GNAT1: variants seen among roughly 807,000 people sequenced by gnomAD.
The protein encoded by GNAT1 is G protein subunit alpha transducin 1.
A neutral mutation model predicts 40.0 loss-of-function variants in GNAT1; 36 were observed. The observed-to-expected ratio is 0.90, with a 90% CI of 0.69 to 1.19. The LOEUF (loss-of-function observed/expected upper bound fraction) is 1.19. Ranked by LOEUF, GNAT1 falls within the 50% of genes most tolerant of loss-of-function variation. The probability of loss-of-function intolerance (pLI) is 0.00; values close to 1 mark genes in which losing one functional copy is unlikely to be tolerated. For synonymous variants in GNAT1, 195 were observed against 192.9 expected (o/e 1.01, Z -0.09); for missense variants, 413 against 480.6 (o/e 0.86, Z 1.32).
In GNAT1 at chr3:50,194,388, G is replaced by A. The variant is rs903066143; in HGVS notation, c.709-113G>A. ...AGCAGGCCCATCTGGGGCAGTGCGG[G>A]GAGCCCTCTGAGAGCCAGCTGAGCG... is the stretch of plus-strand genomic sequence containing the variant. On this transcript the variant is annotated intron_variant, in intron 6 of 8. Coordinates refer to ENST00000232461, the MANE Select transcript of GNAT1 (RefSeq NM_144499.3). This position sits in a 1 kb window ranked among gnomAD's most constrained non-coding sequence, Gnocchi z 6.1. 1.4e-6 allele frequency: 2 copies of A among 1,414,836 alleles called. No homozygotes were observed. Among genetic ancestry groups the A allele is most frequent in the Non-Finnish European group, 1.9e-6 (2 of 1,026,106 alleles). 87.6% of individuals were successfully genotyped at this position (1,414,836 alleles called of 1,614,324 possible).
rs1699455439 is a variant in GNAT1, at chr3:50,193,714, C to T, written c.450-39C>T. On this transcript the variant is annotated intron_variant, in intron 4 of 8. Transcript: ENST00000232461. This position sits in a 1 kb window ranked among gnomAD's most constrained non-coding sequence, Gnocchi z 8.1. Reference sequence around the variant, plus strand: ...CGGGGCGCGGGGCGCAGGGGGCCCTCCACGCCTCCCCACCCACCTACGGCC... The same window carrying T: ...CGGGGCGCGGGGCGCAGGGGGCCCTTCACGCCTCCCCACCCACCTACGGCC... 1 of 1,598,450 alleles carries T rather than the reference C, an allele frequency of 6.3e-7. No individual in the cohort carries two copies. Among genetic ancestry groups the T allele is most frequent in the Non-Finnish European group, 8.5e-7 (1 of 1,173,094 alleles).
chr3:50,194,426 T>C lies in GNAT1; in HGVS notation c.709-75T>C. On this transcript the variant is annotated intron_variant, in intron 6 of 8. Coordinates refer to ENST00000232461, the MANE Select transcript of GNAT1 (RefSeq NM_144499.3). The surrounding 1 kb of genome is among the most constrained non-coding windows in gnomAD (Gnocchi z 6.1). ...AGCCAGCTGAGCGGGAAGCCCCGCG[T>C]GCCCGGGAGCCCAGAGAGCAGGTGC... 2 of 1,535,992 alleles carry C rather than the reference T, an allele frequency of 1.3e-6. No homozygotes were observed. Among genetic ancestry groups the C allele is most frequent in the Non-Finnish European group, 1.8e-6 (2 of 1,121,122 alleles).
rs372773628 is a variant in GNAT1 at position 50,193,894 on chromosome 3, C to T, written c.578+13C>T. 5.0e-6 allele frequency: 8 copies of T among 1,613,252 alleles called. No individual in the cohort carries two copies. In the African/African-American group the frequency reaches 5.3e-5, roughly 11 times the overall value. ...ATCTCAACTTCCGGTACGACCCATA[C>T]GCTAGCCCAGGAGGTCACTGCCCCA... is the stretch of plus-strand genomic sequence containing the variant. On this transcript the variant is annotated intron_variant, in intron 5 of 8. Coordinates refer to ENST00000232461, the MANE Select transcript of GNAT1 (RefSeq NM_144499.3). This position sits in a 1 kb window ranked among gnomAD's most constrained non-coding sequence, Gnocchi z 8.1.
rs145040990 is a variant in GNAT1, at chr3:50,191,813, G to T, written c.88G>T (p.Val30Leu). The T allele has an allele frequency of 6.2e-7, 1 of 1,612,314 alleles. No individual in the cohort carries two copies. The highest frequency in any genetic ancestry group is 8.5e-7 in the Non-Finnish European group (1 of 1,178,508). ...KEDAEKDART[V>L]KLLLLGAGES... is the part of the protein sequence containing the mutation. ...GGACGCTGAGAAGGATGCTCGAACC[G>T]TGAAGCTGCTGCTTCTGGGTAGGGG... Residue 30 changes from valine to leucine, a missense_variant, in exon 1 of 9, where the codon GTG (valine) becomes TTG (leucine). Physicochemically the swap from Val to Leu is conservative, Grantham distance 32. Coordinates refer to ENST00000232461, the MANE Select transcript of GNAT1 (RefSeq NM_144499.3).
chr3:50,194,756 C>G lies in GNAT1; in HGVS notation c.863-9C>G. 6.2e-7 allele frequency: 1 copy of G among 1,613,414 alleles called. No individual in the cohort carries two copies. The highest frequency in any genetic ancestry group is 8.5e-7 in the Non-Finnish European group (1 of 1,179,834). On this transcript the variant is annotated splice_polypyrimidine_tract_variant and intron_variant, in intron 7 of 8. Transcript: ENST00000232461. This position sits in a 1 kb window ranked among gnomAD's most constrained non-coding sequence, Gnocchi z 6.1. ...GGGCTGAGCAGAGTGAGAGCTCCCG[C>G]CCCCGCAGGACCCAACACCTACGAG...
Position 50,194,106 on chromosome 3 carries a change from G to A in GNAT1, c.593G>A (p.Gly198Asp). Residue 198 changes from glycine (G) to aspartate (D), a missense_variant, in exon 6 of 9, where the codon GGC becomes GAC. Transcript: ENST00000232461. This position sits in a 1 kb window ranked among gnomAD's most constrained non-coding sequence, Gnocchi z 6.1. The stretch of plus-strand genomic sequence containing the variant: ...CGGCCCCGCAGGATGTTCGATGTGG[G>A]CGGGCAGCGCTCGGAGCGCAAGAAG... ...KDLNFRMFDVGGQRSERKKWI... is the reference protein window; with the variant it reads ...KDLNFRMFDVDGQRSERKKWI... 6.2e-7 allele frequency: 1 copy of A among 1,613,818 alleles called. No individual in the cohort carries two copies. The highest frequency in any genetic ancestry group is 8.5e-7 in the Non-Finnish European group (1 of 1,179,846).
In GNAT1 at chr3:50,193,469, C is replaced by T. The variant is rs201305115; in HGVS notation, c.292-37C>T. ...TCGAGGCTCGCGGCTGGGCCCGAGT[C>T]CCTGGCCGCCACCAGCCACTCTCAC... On this transcript the variant is annotated intron_variant, in intron 3 of 8. Transcript: ENST00000232461. The surrounding 1 kb of genome is among the most constrained non-coding windows in gnomAD (Gnocchi z 8.1). 34,150 of 1,605,810 alleles carry T rather than the reference C, an allele frequency of 0.021. 437 individuals carry two copies. Among genetic ancestry groups the T allele is most frequent in the Non-Finnish European group, 0.026 (30,928 of 1,177,460 alleles).
At position 50,194,866 on chromosome 3, in the gene GNAT1, G is replaced by T; in HGVS notation, c.964G>T (p.Ala322Ser). The T allele has an allele frequency of 6.2e-7, 1 of 1,613,710 alleles. No individual in the cohort carries two copies. Among genetic ancestry groups the T allele is most frequent in the Non-Finnish European group, 8.5e-7 (1 of 1,179,810 alleles). The change falls in exon 8 of 9, where the codon GCC (alanine) becomes TCC (serine). Residue 322 changes from alanine (A) to serine (S), a missense_variant. By Grantham distance (99) the Ala-to-Ser change is moderately conservative (BLOSUM62 1). Coordinates refer to ENST00000232461, the MANE Select transcript of GNAT1 (RefSeq NM_144499.3). The surrounding 1 kb of genome is among the most constrained non-coding windows in gnomAD (Gnocchi z 6.1). Reference sequence around the variant, plus strand: ...GGAGATCTATTCCCACATGACGTGCGCCACCGACACGCAGAACGTCAAATT... The same window carrying T: ...GGAGATCTATTCCCACATGACGTGCTCCACCGACACGCAGAACGTCAAATT... ...VKEIYSHMTC[A>S]TDTQNVKFVF...
intron 1 of GNAT1, 68 bp downstream of exon 1, chr3:50,191,899 T>A (rs1699417242): frequency 9.9e-7 from 1 of 1,009,664 alleles, no homozygotes; most frequent in African/African-American, 1.6e-5. Flanking sequence ...CAGGCAGCCC[T>A]TCTGTGAAGC....
Position 50,193,576 on chromosome 3 carries a change from A to G in GNAT1, c.362A>G (p.Asp121Gly). 3 of 1,613,162 alleles carry G rather than the reference A, an allele frequency of 1.9e-6. No homozygotes were observed. The highest frequency in any genetic ancestry group is 2.5e-6 in the Non-Finnish European group (3 of 1,179,876). ...GGCACGATGCCCAAGGAGATGTCGG[A>G]CATCATCCAGCGGCTGTGGAAGGAC... ...EEGTMPKEMS[D>G]IIQRLWKDSG... Residue 121 changes from aspartate to glycine, a missense_variant, in exon 4 of 9, where the codon GAC becomes GGC. Coordinates refer to ENST00000232461, the MANE Select transcript of GNAT1 (RefSeq NM_144499.3). The surrounding 1 kb of genome is among the most constrained non-coding windows in gnomAD (Gnocchi z 8.1).
chr3:50,194,816 A>G lies in GNAT1; in HGVS notation c.914A>G (p.Glu305Gly), dbSNP rs753206978. Residue 305 changes from glutamate (E) to glycine (G), a missense_variant, in exon 8 of 9, where the codon GAG becomes GGG. Physicochemically the swap from Glu to Gly is moderately conservative, Grantham distance 98. Coordinates refer to ENST00000232461, the MANE Select transcript of GNAT1 (RefSeq NM_144499.3). This position sits in a 1 kb window ranked among gnomAD's most constrained non-coding sequence, Gnocchi z 6.1. ...AGNYIKVQFL[E>G]LNMRRDVKEI... Reference sequence around the variant, plus strand: ...AACTACATCAAGGTGCAGTTCCTCGAGCTCAACATGCGGCGCGACGTGAAG... The same window carrying G: ...AACTACATCAAGGTGCAGTTCCTCGGGCTCAACATGCGGCGCGACGTGAAG... 1 of 1,613,894 alleles carries G rather than the reference A, an allele frequency of 6.2e-7. No individual in the cohort carries two copies. Among genetic ancestry groups the G allele is most frequent in the Non-Finnish European group, 8.5e-7 (1 of 1,179,996 alleles).
rs2109138765 is a variant in GNAT1 at position 50,193,575 on chromosome 3, G to C, written c.361G>C (p.Asp121His). ...GGGCACGATGCCCAAGGAGATGTCGGACATCATCCAGCGGCTGTGGAAGGA... is the reference window on the plus strand; with the variant it reads ...GGGCACGATGCCCAAGGAGATGTCGCACATCATCCAGCGGCTGTGGAAGGA... ...EEGTMPKEMSDIIQRLWKDSG... is the reference protein window; with the variant it reads ...EEGTMPKEMSHIIQRLWKDSG... Residue 121 changes from aspartate (D) to histidine (H), a missense_variant, in exon 4 of 9, where the codon GAC (aspartate) becomes CAC (histidine). Coordinates refer to ENST00000232461, the MANE Select transcript of GNAT1 (RefSeq NM_144499.3). The surrounding 1 kb of genome is among the most constrained non-coding windows in gnomAD (Gnocchi z 8.1). 1 of 1,613,200 alleles carries C rather than the reference G, an allele frequency of 6.2e-7. No homozygotes were observed. The highest frequency in any genetic ancestry group is 1.1e-5 in the South Asian group (1 of 91,086).
chr3:50,193,091 C>A lies in GNAT1; in HGVS notation c.107-42C>A, dbSNP rs1347668999. On this transcript the variant is annotated intron_variant, in intron 1 of 8. Coordinates refer to ENST00000232461, the MANE Select transcript of GNAT1 (RefSeq NM_144499.3). The surrounding 1 kb of genome is among the most constrained non-coding windows in gnomAD (Gnocchi z 8.1). Reference sequence around the variant, plus strand: ...CTCCTGGCCTCCTTGCTGGAGGGGGCAGGCTGGTCAGCGCAGCTCTGAGGC... The same window carrying A: ...CTCCTGGCCTCCTTGCTGGAGGGGGAAGGCTGGTCAGCGCAGCTCTGAGGC... 1.9e-6 allele frequency: 3 copies of A among 1,609,444 alleles called. No individual in the cohort carries two copies. Among genetic ancestry groups the A allele is most frequent in the Non-Finnish European group, 2.5e-6 (3 of 1,177,306 alleles).
At position 50,193,449 on chromosome 3, in the gene GNAT1, G is replaced by A. The variant is rs1699446007; in HGVS notation, c.291+43G>A. ...CTGAGCGGGCCTCTGGGGACTCGAG[G>A]CTCGCGGCTGGGCCCGAGTCCCTGG... On this transcript the variant is annotated intron_variant, in intron 3 of 8. Transcript: ENST00000232461. The surrounding 1 kb of genome is among the most constrained non-coding windows in gnomAD (Gnocchi z 8.1). 6.2e-7 allele frequency: 1 copy of A among 1,611,012 alleles called. No homozygotes were observed. Among genetic ancestry groups the A allele is most frequent in the Non-Finnish European group, 8.5e-7 (1 of 1,179,272 alleles).
rs369937442 is a variant in GNAT1, at chr3:50,194,082, G to C, written c.579-10G>C. On this transcript the variant is annotated splice_polypyrimidine_tract_variant and intron_variant, in intron 5 of 8. Transcript: ENST00000232461. The surrounding 1 kb of genome is among the most constrained non-coding windows in gnomAD (Gnocchi z 6.1). ...CCGGGGCGCAGGTTCAGGCCCCCGC[G>C]GCCCCGCAGGATGTTCGATGTGGGC... 4.6e-5 allele frequency: 74 copies of C among 1,612,880 alleles called. No individual in the cohort carries two copies. In the African/African-American group the frequency reaches 8.7e-4, roughly 19 times the overall value.
Position 50,196,343 on chromosome 3 carries a change from C to G in GNAT1, c.*1077C>G, listed in dbSNP as rs538946106. 1.3e-5 allele frequency: 2 copies of G among 152,662 alleles called. No individual in the cohort carries two copies. The highest frequency in any genetic ancestry group is 2.9e-5 in the Non-Finnish European group (2 of 68,096). 9.5% of individuals were successfully genotyped at this position (152,662 alleles called of 1,614,324 possible). The stretch of plus-strand genomic sequence containing the variant: ...AACTATCAGGGACAAAGGCCCATGT[C>G]CCCACATCCCTGCTCCCTCCTTCCT... On this transcript the variant is annotated 3_prime_UTR_variant, in exon 9 of 9. Coordinates refer to ENST00000232461, the MANE Select transcript of GNAT1 (RefSeq NM_144499.3).
Position 50,193,014 on chromosome 3 carries a change from G to A in GNAT1, c.107-119G>A. ...GTGTGGCTACGGGGTCGGGGCTGGC[G>A]CTCAGGCCTCTTCGCTGCGGGTCCA... On this transcript the variant is annotated intron_variant, in intron 1 of 8. Transcript: ENST00000232461. The surrounding 1 kb of genome is among the most constrained non-coding windows in gnomAD (Gnocchi z 8.1). 2.0e-6 allele frequency: 2 copies of A among 990,034 alleles called. No homozygotes were observed. The allele number at this position is 990,034 out of a possible 1,614,324, so 61.3% of individuals were successfully genotyped here. A position where few individuals can be genotyped will look rare whatever the true frequency, so the allele number is the denominator to read the frequency against.
At chr3:50,192,180 G>A (rs529419422) in intron 1 of GNAT1, among the ~76,000 whole-genome samples, 2 of 152,350 alleles carry the variant, frequency 1.3e-5, no homozygotes, top group African/African-American at 4.8e-5. Flanking sequence ...ACGCCTGCTA[G>A]GCAATGCTCA....
rs781446884 is a variant in GNAT1 at position 50,191,656 on chromosome 3, A to C, written c.-70A>C. The C allele has an allele frequency of 1.0e-5, 12 of 1,162,792 alleles. No homozygotes were observed. The highest frequency in any genetic ancestry group is 1.6e-5 in the Non-Finnish European group (12 of 769,810). The allele number at this position is 1,162,792 out of a possible 1,614,324, so 72.0% of individuals were successfully genotyped here. A position where few individuals can be genotyped will look rare whatever the true frequency, so the allele number is the denominator to read the frequency against. On this transcript the variant is annotated 5_prime_UTR_variant, in exon 1 of 9. Coordinates refer to ENST00000232461, the MANE Select transcript of GNAT1 (RefSeq NM_144499.3). ...GGGCCAGAAGGGTGCCTGGGAGGCCAGGTTCTGGGGATCCCCTCCATCCAG... is the reference window on the plus strand; with the variant it reads ...GGGCCAGAAGGGTGCCTGGGAGGCCCGGTTCTGGGGATCCCCTCCATCCAG...
Sources: gnomAD v4.1 joint callset for allele counts (sites outside exome capture counted in the v4.1 genomes callset) on GRCh38, gnomAD v4.1.1 for gene constraint, Gnocchi (gnomAD v3.1) non-coding constraint, MANE v1.5 for transcripts, NCBI Gene and HGNC (gene_info 2026-07-23, HGNC 2026-07-21) for gene names.